Variants in CHD8 observed in about 807,000 individuals in gnomAD.
CHD8 encodes chromodomain helicase DNA binding protein 8, also known as ATP-dependent chromatin remodeler CHD8.
Under a neutral mutation model 279.2 loss-of-function variants are expected in CHD8, and 31 were observed. The observed-to-expected ratio is 0.11, with a 90% CI of 0.08 to 0.15. The LOEUF is 0.15. CHD8 is among the 10% of genes least tolerant of loss of function. The probability of loss-of-function intolerance (pLI) is 1.00; values close to 1 mark genes in which losing one functional copy is unlikely to be tolerated. For missense variants in CHD8, 2,146 were observed against 3,230.5 expected, an observed-to-expected ratio of 0.66 and a Z score of 8.14; for synonymous variants, 1,081 against 1,139.6, an observed-to-expected ratio of 0.95 and a Z score of 1.04.
At chr14:21,428,406 T>C (rs771963463) in intron 3 of CHD8, among the ~76,000 whole-genome samples, 152 bp from the exon 4 acceptor site, 1 of 152,266 alleles carries the variant, frequency 6.6e-6, no homozygotes, top group Non-Finnish European at 1.5e-5. Context: ...ACCTACTTTT[T>C]AAAATGTATT....
intron 10 of CHD8, among the ~76,000 whole-genome samples, chr14:21,410,248 A>G (rs1888430534): frequency 6.6e-6 from 1 of 152,094 alleles, no homozygotes; most frequent in Admixed American, 6.6e-5. Context: ...AAGCACTAAA[A>G]CATGCTCGTC....
chr14:21,436,424 G>A (rs951363467), intron 1 of CHD8, among the ~76,000 whole-genome samples: 5 of 152,214 alleles, frequency 3.3e-5, no homozygotes, highest in African/African-American at 9.6e-5. Context: ...CGTGAGACAC[G>A]AAGGGTCTCA....
At chr14:21,433,459 C>G (rs1308562169) in intron 1 of CHD8, among the ~76,000 whole-genome samples, 1 of 152,168 alleles carries the variant, frequency 6.6e-6, no homozygotes, top group Non-Finnish European at 1.5e-5. Flanking sequence ...CTTGGTAAGA[C>G]CATTTCTCCT....
chr14:21,394,521 G>C, intron 30 of CHD8, 36 bp from the exon 31 acceptor site: 1 of 1,192,828 alleles, frequency 8.4e-7, no homozygotes, highest in South Asian at 1.5e-5. Flanking sequence ...ATAATCAGAA[G>C]AACACATCAG....
At chr14:21,439,749 C>A (rs780227671) in intron 1 of CHD8, among the ~76,000 whole-genome samples, 3 of 152,154 alleles carry the variant, frequency 2.0e-5, no homozygotes, top group Non-Finnish European at 4.4e-5. Context: ...AAGACAATAT[C>A]TTATATTTCC....
chr14:21,404,242 A>G (rs1888162531), intron 16 of CHD8, among the ~76,000 whole-genome samples: 1 of 151,798 alleles, frequency 6.6e-6, no homozygotes, highest in Admixed American at 6.6e-5. Context: ...TACTAAAAAT[A>G]CAAAAAATTA....
chr14:21,402,207 C>CTATT lies in CHD8; in HGVS notation c.3883-75_3883-72dup. 1 of 1,447,252 alleles carries CTATT rather than the reference C, an allele frequency of 6.9e-7. No individual in the cohort carries two copies. The highest frequency in any genetic ancestry group is 9.4e-7 in the Non-Finnish European group (1 of 1,060,056). 89.7% of individuals were successfully genotyped at this position (1,447,252 alleles called of 1,614,324 possible). A position where few individuals can be genotyped will look rare whatever the true frequency, so the allele number is the denominator to read the frequency against. ...ATCTAACCATGCCATAATATTTTAG[C>CTATT]TATTATATTTTAAGAAATAATAATT... is the stretch of plus-strand genomic sequence containing the variant. On this transcript the variant is annotated intron_variant, in intron 19 of 37. Transcript: ENST00000646647. This position sits in a 1 kb window ranked among gnomAD's most constrained non-coding sequence, Gnocchi z 4.5.
intron 7 of CHD8, 160 bp from the exon 8 acceptor site, chr14:21,415,153 T>C: frequency 1.7e-6 from 1 of 596,448 alleles, no homozygotes. Flanking sequence ...AATAGAGGCC[T>C]GATAGCTGGA....
In CHD8 at chr14:21,426,145, CATCTTCTCGAGGT is replaced by C; in HGVS notation, c.1686_1698del (p.Pro563LysfsTer25). On this transcript the variant is annotated frameshift_variant, in exon 5 of 38. Coordinates refer to ENST00000646647, the MANE Select transcript of CHD8 (RefSeq NM_001170629.2). LOFTEE classifies it high-confidence loss of function. ...CCTTTTACCTGAATGCTGCTTTCTT[CATCTTCTCGAGGT>C]GACTGTGCAGGCATGACTTCCACAT... 1 of 1,604,270 alleles carries C rather than the reference CATCTTCTCGAGGT, an allele frequency of 6.2e-7. No homozygotes were observed. Among genetic ancestry groups the C allele is most frequent in the South Asian group, 1.1e-5 (1 of 90,268 alleles).
Position 21,395,306 on chromosome 14 carries a change from C to T in CHD8, c.5174G>A (p.Gly1725Glu). ...MMDEEISVID[G>E]DEAQVTQQPG... is the part of the protein sequence containing the mutation. ...TTGACCTAGAAGTTTACCTTCATCTCCATCAATCACTGAGATCTCCTCATC... is the reference window on the plus strand; with the variant it reads ...TTGACCTAGAAGTTTACCTTCATCTTCATCAATCACTGAGATCTCCTCATC... The change falls in exon 29 of 38, where the codon GGA (glycine) becomes GAA (glutamate). Residue 1725 changes from glycine to glutamate, a missense_variant. Physicochemically the swap from Gly to Glu is moderately conservative, Grantham distance 98. This residue lies in a region of CHD8 where 75 missense variants were observed against 81.3 expected (regional missense o/e 0.92). Coordinates refer to ENST00000646647, the MANE Select transcript of CHD8 (RefSeq NM_001170629.2). The T allele has an allele frequency of 1.2e-6, 2 of 1,607,970 alleles. No homozygotes were observed. The highest frequency in any genetic ancestry group is 1.7e-6 in the Non-Finnish European group (2 of 1,176,046).
intron 7 of CHD8, 142 bp downstream of exon 7, chr14:21,415,432 C>T: frequency 2.4e-6 from 1 of 408,310 alleles, no homozygotes; most frequent in African/African-American, 2.1e-5. Flanking sequence ...CCCAGAAGTT[C>T]ATAGTGTGCT....
chr14:21,418,840 A>G (rs1464989018), intron 5 of CHD8, among the ~76,000 whole-genome samples: 1 of 152,184 alleles, frequency 6.6e-6, no homozygotes. Context: ...ATAAATAAAT[A>G]AAGTTCAAAA....
Position 21,429,572 on chromosome 14 carries a change from C to CTGCTGATCAGCAAGGGAG in CHD8, c.844-255_844-238dup, listed in dbSNP as rs1889478018. 4.7e-6 allele frequency: 3 copies of CTGCTGATCAGCAAGGGAG among 633,308 alleles called. No individual in the cohort carries two copies. The Admixed American group carries it at 6.3e-5, about 13-fold the overall frequency. 39.2% of individuals were successfully genotyped at this position (633,308 alleles called of 1,614,324 possible). A position where few individuals can be genotyped will look rare whatever the true frequency, so the allele number is the denominator to read the frequency against. On this transcript the variant is annotated intron_variant, in intron 2 of 37. Coordinates refer to ENST00000646647, the MANE Select transcript of CHD8 (RefSeq NM_001170629.2). ...GTGGCTATTCACAGGCACAACACTACTGCTGATCAGCAAGGGAGTGCTGCC... is the reference window on the plus strand; with the variant it reads ...GTGGCTATTCACAGGCACAACACTACTGCTGATCAGCAAGGGAGTGCTGATCAGCAAGGGAGTGCTGCC...
In CHD8 at chr14:21,403,065, A is replaced by G. The variant is rs1434654689; in HGVS notation, c.3666T>C (p.Asp1222=). The G allele has an allele frequency of 1.1e-5, 17 of 1,614,066 alleles. No individual in the cohort carries two copies. Among genetic ancestry groups the G allele is most frequent in the Non-Finnish European group, 1.4e-5 (16 of 1,179,908 alleles). The change falls in exon 18 of 38, where the codon GAT becomes GAC. Residue 1222 remains aspartate, a synonymous_variant. Transcript: ENST00000646647. This position sits in a 1 kb window ranked among gnomAD's most constrained non-coding sequence, Gnocchi z 4.3. ...GGLGINLTAA[D]TCIIFDSDWN... is the part of the protein sequence containing the mutation. The stretch of plus-strand genomic sequence containing the variant: ...AGTCTGAATCAAAGATGATGCAGGT[A>G]TCAGCAGCTGTAAGATTAATACCAA...
Position 21,385,508 on chromosome 14 carries a change from G to C in CHD8, c.*105C>G. The C allele has an allele frequency of 7.1e-7, 1 of 1,405,210 alleles. No homozygotes were observed. The highest frequency in any genetic ancestry group is 9.3e-7 in the Non-Finnish European group (1 of 1,076,844). The allele number at this position is 1,405,210 out of a possible 1,614,324, so 87.0% of individuals were successfully genotyped here. A position where few individuals can be genotyped will look rare whatever the true frequency, so the allele number is the denominator to read the frequency against. Reference sequence around the variant, plus strand: ...TTTCCTTTTCACCTCCTGGAGTCCTGGACTTCCCCACATCTCCCCTGCCCC... The same window carrying C: ...TTTCCTTTTCACCTCCTGGAGTCCTCGACTTCCCCACATCTCCCCTGCCCC... On this transcript the variant is annotated 3_prime_UTR_variant, in exon 38 of 38. Coordinates refer to ENST00000646647, the MANE Select transcript of CHD8 (RefSeq NM_001170629.2).
At chr14:21,417,630 G>T (rs1459768424) in intron 5 of CHD8, among the ~76,000 whole-genome samples, 1 of 151,460 alleles carries the variant, frequency 6.6e-6, no homozygotes, top group Admixed American at 6.6e-5. Flanking sequence ...CGAGGCAGGC[G>T]CATCATGAGG....
rs1290102760 is a variant in CHD8, at chr14:21,394,002, C to T, written c.5793G>A (p.Gly1931=). Residue 1931 remains glycine (G), a synonymous_variant, in exon 32 of 38, where the codon GGG becomes GGA. Transcript: ENST00000646647. ...GGCGGGCTGCCCCTCTTAGAAGCTCCCCATCATGCCGAACAGGCTCCCACC... is the reference window on the plus strand; with the variant it reads ...GGCGGGCTGCCCCTCTTAGAAGCTCTCCATCATGCCGAACAGGCTCCCACC... ...PKWWEPVRHD[G]ELLRGAARHG... is the part of the protein sequence containing the mutation. 3 of 1,613,762 alleles carry T rather than the reference C, an allele frequency of 1.9e-6. No homozygotes were observed. The highest frequency in any genetic ancestry group is 1.7e-6 in the Non-Finnish European group (2 of 1,179,852).
rs1369154475 is a variant in CHD8 at position 21,390,952 on chromosome 14, T to C, written c.7177A>G (p.Lys2393Glu). ...AATGCTGCAATTTCTCTCACCTTTT[T>C]CCCATTTCTAGAGTTAGCTGTCTGT... is the stretch of plus-strand genomic sequence containing the variant. ...PVQTANSRNG[K>E]KGHHTETVFN... The change falls in exon 37 of 38, where the codon AAA (lysine) becomes GAA (glutamate). Residue 2393 changes from lysine (K) to glutamate (E), a missense_variant. Coordinates refer to ENST00000646647, the MANE Select transcript of CHD8 (RefSeq NM_001170629.2). 3.2e-6 allele frequency: 5 copies of C among 1,563,344 alleles called. No individual in the cohort carries two copies. The highest frequency in any genetic ancestry group is 1.1e-5 in the South Asian group (1 of 87,244).
At chr14:21,416,086 A>G (rs984360503) in intron 5 of CHD8, 179 bp from the exon 6 acceptor site, 1 of 509,908 alleles carries the variant, frequency 2.0e-6, no homozygotes, top group Non-Finnish European at 3.4e-6. Flanking sequence ...TACTGACCAT[A>G]TATCAATTTG....
Sources: allele counts gnomAD v4.1 joint callset (sites outside exome capture counted in the v4.1 genomes callset), GRCh38; gene constraint gnomAD v4.1.1; regional missense constraint gnomAD v4.1.1; non-coding constraint Gnocchi (gnomAD v3.1); transcripts MANE v1.5; gene names NCBI Gene and HGNC (gene_info 2026-07-23, HGNC 2026-07-21).